The following RBFOX1 variants were observed in gnomAD, a reference collection of about 807,000 sequenced individuals.
RBFOX1 encodes the protein RNA binding fox-1 homolog 1.
A neutral mutation model predicts 57.7 loss-of-function variants in RBFOX1; 8 were observed. The ratio of observed to expected loss-of-function variants is 0.14; its 90% CI spans 0.08 to 0.25. RBFOX1 has a LOEUF of 0.25. RBFOX1 is among the 10% of genes least tolerant of loss of function. The pLI is 1.00. For missense variants in RBFOX1, 611 were observed against 548.5 expected (o/e 1.11, Z -1.14); for synonymous variants, 326 against 222.4 (o/e 1.47, Z -4.15).
At chr16:6,866,525 G>T (rs1187513705) in intron 3 of RBFOX1, among the ~76,000 whole-genome samples, 1 of 139,128 alleles carries the variant, frequency 7.2e-6, no homozygotes. Context: ...ATAAGGTTAG[G>T]GCTTTCTTTC....
At chr16:6,524,474 G>T (rs557297249) in intron 2 of RBFOX1, among the ~76,000 whole-genome samples, 1 of 152,258 alleles carries the variant, frequency 6.6e-6, no homozygotes, top group South Asian at 2.1e-4. Context: ...TTCGAAGCGT[G>T]TTTGTCTTCC....
At chr16:7,593,081 C>A (rs1228564555) in intron 7 of RBFOX1, among the ~76,000 whole-genome samples, 3 of 151,934 alleles carry the variant, frequency 2.0e-5, no homozygotes, top group African/African-American at 7.3e-5. Context: ...TCCCAAACTG[C>A]TTGCATTACA....
intron 3 of RBFOX1, among the ~76,000 whole-genome samples, chr16:6,990,696 A>C (rs2091281070): frequency 6.6e-6 from 1 of 152,068 alleles, no homozygotes; most frequent in African/African-American, 2.4e-5. Flanking sequence ...GCACCGACCT[A>C]ATAGTTGTGA....
At chr16:7,244,297 A>T (rs1396188009) in intron 4 of RBFOX1, among the ~76,000 whole-genome samples, 1 of 149,616 alleles carries the variant, frequency 6.7e-6, no homozygotes, top group Non-Finnish European at 1.5e-5. Flanking sequence ...CATTAACTAC[A>T]CTTCAGTCCT....
rs145813148 is a variant in RBFOX1 at position 5,809,260 on chromosome 16, C to A, written c.319-58043C>A. Among the ~76,000 whole-genome samples the A allele has an allele frequency of 4.1e-3, 631 of 152,226 alleles. 3 individuals are homozygous for A. The highest frequency in any genetic ancestry group is 0.014 in the African/African-American group (597 of 41,550). The stretch of plus-strand genomic sequence containing the variant: ...GGCATTACCATTCAGGACATAGGCA[C>A]AGGCAAGGACTTCAAGTCTAAAACA... On this transcript the variant is annotated intron_variant, in intron 3 of 19. Coordinates refer to the RBFOX1 transcript ENST00000641259.
At chr16:5,387,790 G>C (rs2066296672) in intron 1 of RBFOX1, among the ~76,000 whole-genome samples, 1 of 152,214 alleles carries the variant, frequency 6.6e-6, no homozygotes, top group African/African-American at 2.4e-5. Context: ...GTTGTGGGTG[G>C]AATTAAGGTT....
Position 6,224,588 on chromosome 16 carries a change from T to G in RBFOX1, c.-126-92407T>G, listed in dbSNP as rs1392617051. Among the ~76,000 whole-genome samples, 7 of 152,260 alleles carry G rather than the reference T, an allele frequency of 4.6e-5. No individual in the cohort carries two copies. The East Asian group carries it at 1.4e-3, about 30-fold the overall frequency. On this transcript the variant is annotated intron_variant, in intron 1 of 15. Transcript: ENST00000550418. ...GGTGTTGCTTGTACCCTAAAAAAAG[T>G]GAACTGATTCACCTGCTAGGTCTGC...
intron 1 of RBFOX1, among the ~76,000 whole-genome samples, chr16:5,448,510 C>T (rs893306679): frequency 1.3e-5 from 2 of 152,198 alleles, no homozygotes; most frequent in Admixed American, 6.5e-5. Flanking sequence ...AATCTTCTCA[C>T]TTTCCAAGCC....
chr16:5,700,389 G>A (rs1369957517), intron 3 of RBFOX1, among the ~76,000 whole-genome samples: 2 of 151,898 alleles, frequency 1.3e-5, no homozygotes, highest in East Asian at 1.9e-4. Context: ...AATCATAGCA[G>A]GTGGATCTAA....
intron 2 of RBFOX1, among the ~76,000 whole-genome samples, chr16:6,355,881 AC>A (rs2087227634): frequency 6.6e-6 from 1 of 152,200 alleles, no homozygotes; most frequent in Non-Finnish European, 1.5e-5. Context: ...ATCAGGAGCA[AC>A]TTCTATTTCC....
intron 1 of RBFOX1, among the ~76,000 whole-genome samples, chr16:5,355,336 G>C (rs757375058): frequency 6.6e-6 from 1 of 152,204 alleles, no homozygotes; most frequent in Non-Finnish European, 1.5e-5. Context: ...GGCCGGGAGA[G>C]ATGAGGAAGG....
At chr16:7,113,988 C>T (rs1250885540) in intron 4 of RBFOX1, among the ~76,000 whole-genome samples, 1 of 152,060 alleles carries the variant, frequency 6.6e-6, no homozygotes, top group Admixed American at 6.6e-5. Flanking sequence ...ATCGTGAGTG[C>T]TTAGTGAATT....
At chr16:6,934,667 C>G (rs190533126) in intron 3 of RBFOX1, among the ~76,000 whole-genome samples, 3 of 152,124 alleles carry the variant, frequency 2.0e-5, no homozygotes, top group Non-Finnish European at 2.9e-5. Flanking sequence ...CATATTCTCA[C>G]TCATATGTGG....
intron 2 of RBFOX1, among the ~76,000 whole-genome samples, chr16:6,637,017 G>A (rs1251657522): frequency 9.1e-6 from 1 of 110,380 alleles, no homozygotes; most frequent in Non-Finnish European, 1.7e-5. Flanking sequence ...ATAAATATGT[G>A]TATAAACATT....
intron 1 of RBFOX1, among the ~76,000 whole-genome samples, chr16:6,210,124 C>G (rs1341698515): frequency 6.6e-6 from 1 of 151,396 alleles, no homozygotes; most frequent in Non-Finnish European, 1.5e-5. Flanking sequence ...TCGAGACCAG[C>G]CTGGCCAACA....
chr16:6,145,390 T>C (rs765257190), intron 1 of RBFOX1, among the ~76,000 whole-genome samples: 2 of 152,210 alleles, frequency 1.3e-5, no homozygotes, highest in Admixed American at 6.5e-5. Flanking sequence ...GGCTGCATAG[T>C]ATTCCATGGT....
chr16:5,848,835 G>A (rs1420782573), intron 3 of RBFOX1, among the ~76,000 whole-genome samples: 1 of 152,060 alleles, frequency 6.6e-6, no homozygotes, highest in Non-Finnish European at 1.5e-5. Context: ...TGTAATACTA[G>A]CTCCTTGGGA....
intron 3 of RBFOX1, among the ~76,000 whole-genome samples, chr16:5,849,203 A>T (rs538254853): frequency 1.3e-5 from 2 of 152,066 alleles, no homozygotes; most frequent in African/African-American, 4.8e-5. Context: ...AAATGCATTA[A>T]CTCATATTTC....
intron 4 of RBFOX1, among the ~76,000 whole-genome samples, chr16:7,264,518 C>G (rs1019952840): frequency 1.2e-4 from 18 of 152,188 alleles, no homozygotes; most frequent in African/African-American, 4.3e-4. Context: ...TCTTTGCTGA[C>G]CACGTAGTCT....
Sources: allele counts gnomAD v4.1 joint callset (sites outside exome capture counted in the v4.1 genomes callset), GRCh38; gene constraint gnomAD v4.1.1; transcripts MANE v1.5; gene names NCBI Gene and HGNC (gene_info 2026-07-23, HGNC 2026-07-21).